The following AKAP6 variants were observed in gnomAD, a reference collection of about 807,000 sequenced individuals.
AKAP6 encodes A-kinase anchor protein 6.
In AKAP6, 58 loss-of-function variants were observed where a neutral mutation model predicts 188.5. The observed-to-expected ratio is 0.31, with a 90% CI of 0.25 to 0.38. The LOEUF is 0.38. Among genes scored for constraint, AKAP6 ranks in the 10% least tolerant of loss-of-function variants. The probability of loss-of-function intolerance (pLI) is 1.00; values close to 1 mark genes in which losing one functional copy is unlikely to be tolerated. For synonymous variants in AKAP6, 989 were observed against 998.6 expected (o/e 0.99, Z 0.18); for missense variants, 2,710 against 2,740.0 (o/e 0.99, Z 0.24).
intron 4 of AKAP6, among the ~76,000 whole-genome samples, chr14:32,556,613 G>C (rs549327812): frequency 3.3e-5 from 5 of 152,164 alleles, no homozygotes; most frequent in African/African-American, 9.7e-5. Context: ...AAAGTGCTGG[G>C]ATTGCAGGCA....
Position 32,527,148 on chromosome 14 carries a change from CT to C in AKAP6, c.325-8405del, listed in dbSNP as rs373904845. Among the ~76,000 whole-genome samples, 92 of 152,322 alleles carry C rather than the reference CT, an allele frequency of 6.0e-4. No homozygotes were observed. In the South Asian group the frequency reaches 0.018, roughly 31 times the overall value. On this transcript the variant is annotated intron_variant, in intron 2 of 13. Coordinates refer to ENST00000280979, the MANE Select transcript of AKAP6 (RefSeq NM_004274.5). ...CTTGCCCCAAACGGTCTGGGAGCCA[CT>C]GCTTTGCCTTTTCCGGAATGTCATA...
At chr14:32,428,489 A>G (rs1890108313) in intron 1 of AKAP6, among the ~76,000 whole-genome samples, 1 of 152,158 alleles carries the variant, frequency 6.6e-6, no homozygotes, top group African/African-American at 2.4e-5. Context: ...TTGTTTGGCC[A>G]CAAGAAGAGA....
chr14:32,682,357 T>C (rs1210102721), intron 8 of AKAP6, among the ~76,000 whole-genome samples: 1 of 152,210 alleles, frequency 6.6e-6, no homozygotes, highest in East Asian at 1.9e-4. Flanking sequence ...AAATAGAGAA[T>C]GCTAGGGAAC....
At chr14:32,522,351 A>G (rs1881885030) in intron 2 of AKAP6, among the ~76,000 whole-genome samples, 1 of 152,114 alleles carries the variant, frequency 6.6e-6, no homozygotes, top group Non-Finnish European at 1.5e-5. Flanking sequence ...ATCTAATTAA[A>G]CTAAAGAGCT....
At chr14:32,523,745 G>A (rs1211057068) in intron 2 of AKAP6, among the ~76,000 whole-genome samples, 1 of 149,062 alleles carries the variant, frequency 6.7e-6, no homozygotes, top group South Asian at 2.1e-4. Context: ...CAGGTTGCAG[G>A]TGTGAGCCAC....
intron 11 of AKAP6, among the ~76,000 whole-genome samples, chr14:32,742,529 T>C (rs1304689093): frequency 6.6e-6 from 1 of 152,064 alleles, no homozygotes; most frequent in Non-Finnish European, 1.5e-5. Flanking sequence ...CTCTTAGTAC[T>C]GCTTTTACTG....
At chr14:32,601,469 C>G (rs532029988) in intron 7 of AKAP6, among the ~76,000 whole-genome samples, 1 of 152,282 alleles carries the variant, frequency 6.6e-6, no homozygotes, top group Admixed American at 6.5e-5. Flanking sequence ...TTAAATGAGG[C>G]ACCTTTTGAT....
At chr14:32,774,336 C>T (rs985649077) in intron 12 of AKAP6, among the ~76,000 whole-genome samples, 8 of 152,138 alleles carry the variant, frequency 5.3e-5, no homozygotes, top group South Asian at 4.1e-4. Flanking sequence ...GATAATACAA[C>T]GAAATAAAGT....
intron 11 of AKAP6, among the ~76,000 whole-genome samples, chr14:32,766,711 A>G (rs1489852998): frequency 1.3e-5 from 2 of 152,114 alleles, no homozygotes; most frequent in Non-Finnish European, 2.9e-5. Context: ...ATTTTCTCCC[A>G]TTCTGTGGTT....
At chr14:32,801,003 T>A (rs1194540039) in intron 12 of AKAP6, among the ~76,000 whole-genome samples, 2 of 152,032 alleles carry the variant, frequency 1.3e-5, no homozygotes, top group Non-Finnish European at 2.9e-5. Context: ...GGCAACAGAG[T>A]GACACTCTGT....
intron 1 of AKAP6, among the ~76,000 whole-genome samples, chr14:32,337,604 G>A (rs1214826919): frequency 6.6e-6 from 1 of 151,362 alleles, no homozygotes; most frequent in Non-Finnish European, 1.5e-5. Flanking sequence ...TAAGTTTTAG[G>A]GTACATGTGC....
In AKAP6 at chr14:32,695,991, C is replaced by A. The variant is rs771326190; in HGVS notation, c.2881C>A (p.Leu961Ile). 6.2e-7 allele frequency: 1 copy of A among 1,612,472 alleles called. No individual in the cohort carries two copies. Among genetic ancestry groups the A allele is most frequent in the Non-Finnish European group, 8.5e-7 (1 of 1,179,566 alleles). Residue 961 changes from leucine to isoleucine, a missense_variant and splice_region_variant, in exon 9 of 14, where the codon CTT (leucine) becomes ATT (isoleucine). This residue lies in a region of AKAP6 where 2,473 missense variants were observed against 2,426.1 expected (regional missense o/e 1.02). Coordinates refer to ENST00000280979, the MANE Select transcript of AKAP6 (RefSeq NM_004274.5). ...CTACATTTTGCGCCTTATCTTCAGG[C>A]TTCTGGACTTTGATTCAGAATATCA... ...SKVHSVGSNG[L>I]LDFDSEYQEL...
intron 12 of AKAP6, among the ~76,000 whole-genome samples, chr14:32,775,336 A>G (rs998300192): frequency 3.3e-5 from 5 of 152,084 alleles, no homozygotes; most frequent in African/African-American, 1.2e-4. Context: ...ACTGCTTTGG[A>G]GGAGGCAAAG....
rs59749610 is a variant in AKAP6 at position 32,669,435 on chromosome 14, AG to A, written c.2731-8874del. On this transcript the variant is annotated intron_variant, in intron 7 of 13. Coordinates refer to ENST00000280979, the MANE Select transcript of AKAP6 (RefSeq NM_004274.5). ...CTGTAGAGAGTTTGTTTCTGGACAA[AG>A]GAAGTGCACTTAGAATAAGGTGAGT... 6.0e-3 allele frequency among the ~76,000 whole-genome samples: 910 copies of A among 152,292 alleles called. 11 individuals carry two copies. The highest frequency in any genetic ancestry group is 0.021 in the African/African-American group (877 of 41,566).
intron 9 of AKAP6, among the ~76,000 whole-genome samples, chr14:32,731,315 T>C (rs1413661378): frequency 6.6e-6 from 1 of 152,138 alleles, no homozygotes; most frequent in Non-Finnish European, 1.5e-5. Flanking sequence ...CTTCCAATTG[T>C]ATTTTTGTTT....
chr14:32,496,722 T>C (rs1249988713), intron 2 of AKAP6, among the ~76,000 whole-genome samples: 1 of 152,138 alleles, frequency 6.6e-6, no homozygotes. Flanking sequence ...CCATATGAAA[T>C]TGCCAATATT....
chr14:32,499,514 A>G (rs1221473994), intron 2 of AKAP6, among the ~76,000 whole-genome samples: 2 of 152,090 alleles, frequency 1.3e-5, no homozygotes, highest in East Asian at 1.9e-4. Context: ...AGTCTTATGT[A>G]GACAGATCTT....
intron 1 of AKAP6, among the ~76,000 whole-genome samples, chr14:32,368,160 T>C (rs576388644): frequency 1.3e-5 from 2 of 152,312 alleles, no homozygotes; most frequent in African/African-American, 4.8e-5. Context: ...ATCCTCCTGA[T>C]TGCTTTTCTC....
At chr14:32,365,945 G>A (rs985947616) in intron 1 of AKAP6, among the ~76,000 whole-genome samples, 16 of 152,228 alleles carry the variant, frequency 1.1e-4, no homozygotes, top group African/African-American at 3.9e-4. Context: ...CCTGCTTCCT[G>A]GGTTCCTTGC....
Sources: gnomAD v4.1 joint callset for allele counts (sites outside exome capture counted in the v4.1 genomes callset) on GRCh38, gnomAD v4.1.1 for gene constraint, gnomAD v4.1.1 regional missense constraint, MANE v1.5 for transcripts, NCBI Gene and HGNC (gene_info 2026-07-23, HGNC 2026-07-21) for gene names.